ROBO1: variants seen among roughly 807,000 people sequenced by gnomAD.
ROBO1 encodes the protein roundabout homolog 1.
In ROBO1, 149 loss-of-function variants were observed where a neutral mutation model predicts 195.9. The ratio of observed to expected loss-of-function variants is 0.76; its 90% confidence interval spans 0.67 to 0.87. ROBO1 has a LOEUF of 0.87. Among genes scored for constraint, ROBO1 ranks in the 40% least tolerant of loss-of-function variants. ROBO1 has a pLI of 0.00. For missense variants in ROBO1, 1,933 were observed against 2,068.3 expected, an observed-to-expected ratio of 0.93 and a Z score of 1.27; for synonymous variants, 816 against 733.2, an observed-to-expected ratio of 1.11 and a Z score of -1.82.
intron 3 of ROBO1, among the ~76,000 whole-genome samples, chr3:79,011,091 T>C (rs556213644): frequency 2.6e-5 from 4 of 152,298 alleles, no homozygotes; most frequent in African/African-American, 9.6e-5. Context: ...CTGAAATTAC[T>C]TCCCAAACCA....
At chr3:78,805,981 CAG>C (rs565649941) in intron 4 of ROBO1, among the ~76,000 whole-genome samples, 153 of 151,956 alleles carry the variant, frequency 1.0e-3, no homozygotes, top group African/African-American at 3.5e-3. Flanking sequence ...TTTTTTGAGA[CAG>C]AGTCTTGGCT....
At chr3:79,312,980 T>C (rs1196209927) in intron 2 of ROBO1, among the ~76,000 whole-genome samples, 2 of 152,092 alleles carry the variant, frequency 1.3e-5, no homozygotes, top group African/African-American at 4.8e-5. Context: ...CCCAAAAATC[T>C]TGCTTAATTT....
intron 8 of ROBO1, among the ~76,000 whole-genome samples, chr3:78,695,070 G>T (rs931049961): frequency 7.1e-6 from 1 of 141,246 alleles, no homozygotes; most frequent in African/African-American, 2.6e-5. Context: ...ACCCATAGGA[G>T]TAGAATTCTT....
chr3:79,135,514 C>G (rs1361347591), intron 2 of ROBO1, among the ~76,000 whole-genome samples: 1 of 152,022 alleles, frequency 6.6e-6, no homozygotes, highest in African/African-American at 2.4e-5. Flanking sequence ...TTTTAGGATA[C>G]ACACGTGGAA....
chr3:79,535,098 T>C (rs1344324058), intron 2 of ROBO1, among the ~76,000 whole-genome samples: 2 of 152,142 alleles, frequency 1.3e-5, no homozygotes, highest in African/African-American at 4.8e-5. Context: ...TCACTATTTT[T>C]CATAATTAAG....
Position 79,466,051 on chromosome 3 carries a change from C to G in ROBO1, c.88+123773G>C, listed in dbSNP as rs557189017. On this transcript the variant is annotated intron_variant, in intron 2 of 30. Coordinates refer to ENST00000464233, the MANE Select transcript of ROBO1 (RefSeq NM_002941.4). Reference sequence around the variant, plus strand: ...TCCTTTAAAAAAAAAAACACTGTGTCTAAATTTAAAATGTTGAGATCCACC... The same window carrying G: ...TCCTTTAAAAAAAAAAACACTGTGTGTAAATTTAAAATGTTGAGATCCACC... Among the ~76,000 whole-genome samples the G allele has an allele frequency of 4.0e-5, 6 of 151,234 alleles. No individual in the cohort carries two copies. In the South Asian group the frequency reaches 1.3e-3, roughly 32 times the overall value.
At chr3:78,622,763 C>T (rs900281866) in intron 26 of ROBO1, among the ~76,000 whole-genome samples, 2 of 152,154 alleles carry the variant, frequency 1.3e-5, no homozygotes, top group Admixed American at 6.5e-5. Flanking sequence ...CTTTTGGATG[C>T]CAGCTGCCAT....
chr3:79,716,054 C>T (rs1364377418), intron 1 of ROBO1, among the ~76,000 whole-genome samples: 1 of 151,924 alleles, frequency 6.6e-6, no homozygotes, highest in Non-Finnish European at 1.5e-5. Flanking sequence ...CCAAATTCCC[C>T]TTTATAAAAA....
intron 2 of ROBO1, among the ~76,000 whole-genome samples, chr3:79,370,635 T>TTATA (rs200362374): frequency 1.8e-4 from 27 of 150,472 alleles, no homozygotes; most frequent in South Asian, 2.1e-4. Flanking sequence ...ATGATGTAAG[T>TTATA]TATATATATA....
At chr3:78,800,509 A>G (rs1218973020) in intron 4 of ROBO1, among the ~76,000 whole-genome samples, 1 of 152,068 alleles carries the variant, frequency 6.6e-6, no homozygotes, top group East Asian at 1.9e-4. Context: ...AAATAATACT[A>G]TCCACAGTTG....
At chr3:79,690,049 T>C (rs2107068566) in intron 1 of ROBO1, among the ~76,000 whole-genome samples, 1 of 152,142 alleles carries the variant, frequency 6.6e-6, no homozygotes, top group South Asian at 2.1e-4. Context: ...AATAGTTTAT[T>C]TGTATCCTGG....
chr3:79,432,667 G>T (rs1258746677), intron 2 of ROBO1, among the ~76,000 whole-genome samples: 2 of 152,104 alleles, frequency 1.3e-5, no homozygotes, highest in South Asian at 2.1e-4. Flanking sequence ...GAGAGCAAGA[G>T]AACTTGTATT....
chr3:79,240,261 A>C (rs1249187117), intron 2 of ROBO1, among the ~76,000 whole-genome samples: 2 of 152,190 alleles, frequency 1.3e-5, no homozygotes, highest in Non-Finnish European at 2.9e-5. Flanking sequence ...TTTACTTAGC[A>C]CAATGTCCTC....
chr3:78,809,494 A>T (rs976882124), intron 4 of ROBO1, among the ~76,000 whole-genome samples: 2 of 152,218 alleles, frequency 1.3e-5, no homozygotes, highest in South Asian at 2.1e-4. Flanking sequence ...TACTGGGTAT[A>T]TACACAAAGG....
At chr3:79,346,974 T>C (rs1197306693) in intron 2 of ROBO1, among the ~76,000 whole-genome samples, 1 of 152,030 alleles carries the variant, frequency 6.6e-6, no homozygotes, top group African/African-American at 2.4e-5. Flanking sequence ...ATATTCAATT[T>C]AATGATAACC....
chr3:79,353,037 C>A (rs1169402440), intron 2 of ROBO1, among the ~76,000 whole-genome samples: 1 of 152,120 alleles, frequency 6.6e-6, no homozygotes, highest in African/African-American at 2.4e-5. Flanking sequence ...TCTTATAACA[C>A]TAACTCTTTA....
intron 2 of ROBO1, among the ~76,000 whole-genome samples, chr3:79,185,092 T>C (rs1465033995): frequency 1.3e-5 from 2 of 152,154 alleles, no homozygotes; most frequent in Admixed American, 6.5e-5. Flanking sequence ...ACTCTGAGAA[T>C]CACAGTGTCT....
At chr3:79,637,285 C>T (rs970570786) in intron 1 of ROBO1, among the ~76,000 whole-genome samples, 2 of 151,536 alleles carry the variant, frequency 1.3e-5, no homozygotes, top group African/African-American at 4.9e-5. Flanking sequence ...AGAGTCAGTG[C>T]TATCTAGTAA....
chr3:78,692,394 C>T lies in ROBO1; in HGVS notation c.1046-3622G>A, dbSNP rs145374498. ...AAGTGATTCTCCTGCCTCAGCCTCC[C>T]GAGTAGCTGGGATTACAGGTGTGCG... On this transcript the variant is annotated intron_variant, in intron 8 of 30. Transcript: ENST00000464233. Among the ~76,000 whole-genome samples the T allele has an allele frequency of 3.0e-3, 456 of 152,080 alleles. 3 individuals are homozygous for T. The highest frequency in any genetic ancestry group is 9.9e-3 in the African/African-American group (410 of 41,484).
Sources: gnomAD v4.1 joint callset for allele counts (sites outside exome capture counted in the v4.1 genomes callset) on GRCh38, gnomAD v4.1.1 for gene constraint, MANE v1.5 for transcripts, NCBI Gene and HGNC (gene_info 2026-07-23, HGNC 2026-07-21) for gene names.